DHRSX: variants seen among roughly 807,000 people sequenced by gnomAD.
DHRSX encodes dehydrogenase/reductase X-linked.
Under a neutral mutation model 34.0 loss-of-function variants are expected in DHRSX, and 31 were observed. The ratio of observed to expected loss-of-function variants is 0.91; its 90% CI spans 0.69 to 1.23. The LOEUF (loss-of-function observed/expected upper bound fraction) is 1.23. Ranked by LOEUF, DHRSX falls within the 50% of genes most tolerant of loss-of-function variation. The pLI, the probability that DHRSX is intolerant of heterozygous loss-of-function variation, is 0.00. For synonymous variants in DHRSX, 201 were observed against 183.8 expected, an observed-to-expected ratio of 1.09 and a Z score of -0.76; for missense variants, 414 against 428.1, an observed-to-expected ratio of 0.97 and a Z score of 0.29.
intron 3 of DHRSX, among the ~76,000 whole-genome samples, chrX:2,385,155 T>C (rs2043257869): frequency 6.6e-6 from 1 of 151,834 alleles, no homozygotes; most frequent in African/African-American, 2.4e-5. Context: ...TATATATGTG[T>C]GTGTGTGTAT....
At chrX:2,362,343 C>A (rs1365475625) in intron 3 of DHRSX, among the ~76,000 whole-genome samples, 1 of 152,126 alleles carries the variant, frequency 6.6e-6, no homozygotes, top group African/African-American at 2.4e-5. Flanking sequence ...CTCTGTTGAC[C>A]AGGTTGGAAT....
chrX:2,307,042 A>T (rs1398481800), intron 3 of DHRSX, among the ~76,000 whole-genome samples: 4 of 151,698 alleles, frequency 2.6e-5, no homozygotes, highest in Non-Finnish European at 4.4e-5. Context: ...CTTGGGAGGC[A>T]TGAGGGAATC....
chrX:2,495,170 C>G (rs2045250261), intron 1 of DHRSX, among the ~76,000 whole-genome samples: 2 of 150,578 alleles, frequency 1.3e-5, no homozygotes, highest in South Asian at 4.2e-4. Flanking sequence ...TGAAAGAAGT[C>G]ACAGTACCCT....
chrX:2,444,292 A>G (rs2044100192), intron 1 of DHRSX, among the ~76,000 whole-genome samples: 1 of 152,144 alleles, frequency 6.6e-6, no homozygotes, highest in Non-Finnish European at 1.5e-5. Context: ...CCCTTAAGAT[A>G]TGACTCTCAG....
intron 1 of DHRSX, among the ~76,000 whole-genome samples, chrX:2,426,596 TC>T (rs2043852009): frequency 1.4e-5 from 2 of 146,936 alleles, no homozygotes; most frequent in African/African-American, 5.0e-5. Context: ...CTTCCCTCCC[TC>T]TTTCCTTCTT....
In DHRSX at chrX:2,436,861, G is replaced by A. The variant is rs902572066; in HGVS notation, c.110-11557C>T. ...TTGGCCGAGCTGATCTCAAACTCCT[G>A]GCCTCAAGTGATCCTCCCACCTTGG... On this transcript the variant is annotated intron_variant, in intron 1 of 6. Transcript: ENST00000334651. Among the ~76,000 whole-genome samples, 90 of 151,986 alleles carry A rather than the reference G, an allele frequency of 5.9e-4. 1 individual carries two copies. The highest frequency in any genetic ancestry group is 9.3e-4 in the Non-Finnish European group (63 of 67,974).
intron 2 of DHRSX, among the ~76,000 whole-genome samples, chrX:2,422,014 G>T (rs1322957757): frequency 6.6e-6 from 1 of 152,100 alleles, no homozygotes; most frequent in Non-Finnish European, 1.5e-5. Context: ...CTGAGCCCTG[G>T]TCACCAGATC....
At chrX:2,387,390 C>T (rs1464000936) in intron 3 of DHRSX, among the ~76,000 whole-genome samples, 2 of 152,078 alleles carry the variant, frequency 1.3e-5, no homozygotes, top group East Asian at 1.9e-4. Flanking sequence ...TTAACTCACA[C>T]GATCACAAGG....
chrX:2,220,720 T>TA lies in DHRSX; in HGVS notation c.*320_*321insT, dbSNP rs1424737033. The TA allele has an allele frequency of 3.3e-5, 11 of 330,790 alleles. No homozygotes were observed. The Admixed American group carries it at 3.4e-4, about 10-fold the overall frequency. 20.5% of individuals were successfully genotyped at this position (330,790 alleles called of 1,614,324 possible). ...AAAGAGAGCATCTCTCTTGGAACTT[T>TA]TGTACTCAGTTGTATTAACGCGGCA... On this transcript the variant is annotated 3_prime_UTR_variant, in exon 7 of 7. Transcript: ENST00000334651.
At chrX:2,336,584 G>A (rs1231994480) in intron 3 of DHRSX, among the ~76,000 whole-genome samples, 3 of 151,162 alleles carry the variant, frequency 2.0e-5, no homozygotes, top group Non-Finnish European at 4.4e-5. Flanking sequence ...ACATATTCAC[G>A]GTATTTTGTT....
chrX:2,370,808 C>T lies in DHRSX; in HGVS notation c.286+37937G>A, dbSNP rs1004453958. 2.0e-4 allele frequency among the ~76,000 whole-genome samples: 31 copies of T among 152,060 alleles called. 1 individual carries two copies. Among genetic ancestry groups the T allele is most frequent in the African/African-American group, 7.0e-4 (29 of 41,426 alleles). ...TCCTATCAGGCCCCGGGATGTTGGGCCAGCCTCACCTGGAGCAAACGTCAG... is the reference window on the plus strand; with the variant it reads ...TCCTATCAGGCCCCGGGATGTTGGGTCAGCCTCACCTGGAGCAAACGTCAG... On this transcript the variant is annotated intron_variant, in intron 3 of 6. Transcript: ENST00000334651.
At chrX:2,320,008 T>C (rs2042288971) in intron 3 of DHRSX, among the ~76,000 whole-genome samples, 1 of 151,878 alleles carries the variant, frequency 6.6e-6, no homozygotes, top group African/African-American at 2.4e-5. Context: ...TTTTGTATTT[T>C]TAGTAGAGAC....
Position 2,273,459 on chromosome X carries a change from A to G in DHRSX, c.389-6512T>C, listed in dbSNP as rs188170836. Among the ~76,000 whole-genome samples the G allele has an allele frequency of 9.7e-4, 148 of 152,310 alleles. 1 individual carries two copies. The Middle Eastern group carries it at 0.014, about 14-fold the overall frequency. On this transcript the variant is annotated intron_variant, in intron 4 of 6. Transcript: ENST00000334651. ...GTCACTCAAGAACAGAAAAGCAAAT[A>G]CACGTTCTCACTTGTAAGTGGGCAC...
intron 3 of DHRSX, among the ~76,000 whole-genome samples, chrX:2,396,385 T>TTTTTC (rs2043411096): frequency 1.4e-5 from 2 of 143,118 alleles, no homozygotes; most frequent in Admixed American, 1.4e-4. Context: ...CTTTTTTTTT[T>TTTTTC]TTTTTTTTTT....
intron 1 of DHRSX, among the ~76,000 whole-genome samples, chrX:2,453,392 C>T (rs1416364457): frequency 6.6e-6 from 1 of 151,758 alleles, no homozygotes; most frequent in East Asian, 1.9e-4. Flanking sequence ...AAAAAATTAG[C>T]TGGGTATGGT....
chrX:2,246,547 C>T (rs1361664281), intron 5 of DHRSX, among the ~76,000 whole-genome samples: 1 of 151,086 alleles, frequency 6.6e-6, no homozygotes, highest in African/African-American at 2.4e-5. Context: ...CACTTGAACC[C>T]GGGAGGTGGA....
intron 3 of DHRSX, among the ~76,000 whole-genome samples, chrX:2,304,224 G>GATAA (rs2042069359): frequency 1.5e-5 from 2 of 132,862 alleles, no homozygotes; most frequent in African/African-American, 2.9e-5. Flanking sequence ...TGGATGGATG[G>GATAA]ATGGATGGAT....
At chrX:2,309,253 G>A (rs1455424924) in intron 3 of DHRSX, among the ~76,000 whole-genome samples, 1 of 152,102 alleles carries the variant, frequency 6.6e-6, no homozygotes, top group Non-Finnish European at 1.5e-5. Flanking sequence ...GAACAGATAA[G>A]TGCCCTGATA....
intron 4 of DHRSX, among the ~76,000 whole-genome samples, chrX:2,284,008 TCATTC>T (rs1188437248): frequency 2.0e-5 from 3 of 152,042 alleles, no homozygotes; most frequent in Non-Finnish European, 4.4e-5. Flanking sequence ...ATTCATTCAT[TCATTC>T]CTCTGAATTT....
Sources: gnomAD v4.1 joint callset for allele counts (sites outside exome capture counted in the v4.1 genomes callset) on GRCh38, gnomAD v4.1.1 for gene constraint, MANE v1.5 for transcripts, NCBI Gene and HGNC (gene_info 2026-07-23, HGNC 2026-07-21) for gene names.